The following PLS3 variants were observed in gnomAD, a reference collection of about 807,000 sequenced individuals.
PLS3 encodes the protein plastin-3.
Under a neutral mutation model 46.5 loss-of-function variants are expected in PLS3, and 11 were observed. The observed-to-expected ratio is 0.24, with a 90% CI of 0.15 to 0.39. The LOEUF (loss-of-function observed/expected upper bound fraction) is 0.39. PLS3 is among the 10% of genes least tolerant of loss of function. PLS3 has a pLI of 1.00. For missense variants in PLS3, 308 were observed against 461.8 expected, an observed-to-expected ratio of 0.67 and a Z score of 3.05; for synonymous variants, 167 against 162.2, an observed-to-expected ratio of 1.03 and a Z score of -0.22.
intron 2 of PLS3, among the ~76,000 whole-genome samples, chrX:115,613,023 C>G (rs2074561720): frequency 8.9e-6 from 1 of 111,818 alleles, no homozygotes; most frequent in East Asian, 2.8e-4. Context: ...CATCTAGAAA[C>G]TGTCTTTTAC....
intron 3 of PLS3, among the ~76,000 whole-genome samples, chrX:115,627,628 G>A (rs1397584554): frequency 8.9e-6 from 1 of 112,179 alleles, no homozygotes; most frequent in African/African-American, 3.2e-5. Flanking sequence ...AAGTGTGTGC[G>A]TAAGCTCCAT....
chrX:115,562,822 C>T (rs888138398), intron 1 of PLS3: 3 of 56,224 alleles, frequency 5.3e-5, no homozygotes, highest in Admixed American at 2.6e-4. Flanking sequence ...ATTCCAAAAA[C>T]CACCTCTACG....
At chrX:115,573,093 CAAAAAAAAAA>C (rs1163578692) in intron 1 of PLS3, among the ~76,000 whole-genome samples, 2 of 30,256 alleles carry the variant, frequency 6.6e-5, no homozygotes, top group Admixed American at 6.9e-4. Context: ...GACTCCGTCT[CAAAAAAAAAA>C]AAAAAAAGAA....
At chrX:115,647,230 C>G (rs782350098) in intron 13 of PLS3, among the ~76,000 whole-genome samples, 3 of 110,790 alleles carry the variant, frequency 2.7e-5, no homozygotes, top group African/African-American at 6.6e-5. Flanking sequence ...GTCAGGAGAT[C>G]AAGACCATCC....
At chrX:115,623,298 T>C (rs2074675105) in intron 3 of PLS3, among the ~76,000 whole-genome samples, 1 of 111,270 alleles carries the variant, frequency 9.0e-6, no homozygotes, top group Admixed American at 9.6e-5. Flanking sequence ...CAAGACCAAC[T>C]TGGGCAAGTT....
intron 2 of PLS3, among the ~76,000 whole-genome samples, chrX:115,615,947 A>G: frequency 8.9e-6 from 1 of 111,980 alleles, no homozygotes; most frequent in Non-Finnish European, 1.9e-5. Flanking sequence ...CTCCATACCA[A>G]TGTATAGTTA....
chrX:115,572,658 C>G (rs1323451361), intron 1 of PLS3, among the ~76,000 whole-genome samples: 1 of 111,721 alleles, frequency 9.0e-6, no homozygotes, highest in African/African-American at 3.3e-5. Flanking sequence ...TTTCATTATT[C>G]ATTCAACTAC....
rs782262152 is a variant in PLS3 at position 115,607,798 on chromosome X, T to C, written c.-8-2445T>C. On this transcript the variant is annotated intron_variant, in intron 1 of 15. Coordinates refer to ENST00000355899, the MANE Select transcript of PLS3 (RefSeq NM_005032.7). ...GATTACAGGCGTGAGCCAGTGCGCCTGGCTGATGGTTTTATTTAATTTTTA... is the reference window on the plus strand; with the variant it reads ...GATTACAGGCGTGAGCCAGTGCGCCCGGCTGATGGTTTTATTTAATTTTTA... Among the ~76,000 whole-genome samples the C allele has an allele frequency of 1.3e-3, 143 of 112,042 alleles. 1 individual carries two copies. The highest frequency in any genetic ancestry group is 4.5e-3 in the African/African-American group (139 of 30,888).
intron 1 of PLS3, among the ~76,000 whole-genome samples, chrX:115,579,184 C>CT (rs1195852116): frequency 3.6e-5 from 4 of 111,847 alleles, no homozygotes; most frequent in Non-Finnish European, 7.5e-5. Context: ...TGGGAATTAG[C>CT]TTTTTTTCTC....
At chrX:115,636,331 C>G (rs782424914) in intron 7 of PLS3, among the ~76,000 whole-genome samples, 28 of 108,858 alleles carry the variant, frequency 2.6e-4, no homozygotes, top group African/African-American at 9.0e-4. Context: ...CTCAGCCTCC[C>G]AAGTAGCTGG....
In PLS3 at chrX:115,649,477, C is replaced by T. The variant is rs898304571; in HGVS notation, c.1809C>T (p.Leu603=). ...ARRIGARVYA[L]PEDLVEVKPK... Reference sequence around the variant, plus strand: ...GAATCGGAGCCAGAGTGTATGCTCTCCCTGAAGACCTTGTGGAAGTAAAGC... The same window carrying T: ...GAATCGGAGCCAGAGTGTATGCTCTTCCTGAAGACCTTGTGGAAGTAAAGC... Residue 603 remains leucine (L), a synonymous_variant, in exon 16 of 16, where the codon CTC becomes CTT. Coordinates refer to ENST00000355899, the MANE Select transcript of PLS3 (RefSeq NM_005032.7). 3.3e-6 allele frequency: 4 copies of T among 1,205,418 alleles called. No homozygotes were observed. Among genetic ancestry groups the T allele is most frequent in the African/African-American group, 3.5e-5 (2 of 57,619 alleles).
chrX:115,590,384 G>A (rs1246989464), intron 1 of PLS3, among the ~76,000 whole-genome samples: 7 of 111,115 alleles, frequency 6.3e-5, no homozygotes, highest in African/African-American at 9.8e-5. Flanking sequence ...AGTAAAAACC[G>A]AGATCCTGTT....
At chrX:115,630,028 T>C (rs782278600) in intron 5 of PLS3, 61 bp downstream of exon 5, 10 of 851,297 alleles carry the variant, frequency 1.2e-5, no homozygotes, top group South Asian at 5.6e-5. Context: ...ATAATTGATA[T>C]ATTTGTTTCT....
At chrX:115,626,994 A>G (rs2074717839) in intron 3 of PLS3, among the ~76,000 whole-genome samples, 1 of 109,103 alleles carries the variant, frequency 9.2e-6, no homozygotes, top group Non-Finnish European at 1.9e-5. Context: ...GGTTACAGGC[A>G]TGCACCACCA....
intron 8 of PLS3, among the ~76,000 whole-genome samples, chrX:115,638,145 C>G (rs2074856556): frequency 9.1e-6 from 1 of 110,374 alleles, no homozygotes; most frequent in Non-Finnish European, 1.9e-5. Flanking sequence ...GAGTCTCCCT[C>G]TGTCACTCAG....
intron 2 of PLS3, among the ~76,000 whole-genome samples, chrX:115,620,290 A>G (rs1342487658): frequency 9.0e-6 from 1 of 110,958 alleles, no homozygotes; most frequent in Non-Finnish European, 1.9e-5. Context: ...CACACCAGAC[A>G]CACTGCAGCA....
At chrX:115,632,898 A>AT (rs1203178380) in intron 5 of PLS3, among the ~76,000 whole-genome samples, 13 of 106,940 alleles carry the variant, frequency 1.2e-4, no homozygotes, top group South Asian at 4.1e-4. Context: ...TGCCTAGCTA[A>AT]TTTTTTTTTT....
chrX:115,622,015 C>T (rs1184375472), intron 2 of PLS3: 3 of 322,793 alleles, frequency 9.3e-6, no homozygotes. Flanking sequence ...TAGGGATGCT[C>T]TTTTTAAGTA....
At chrX:115,604,416 G>C (rs989145524) in intron 1 of PLS3, among the ~76,000 whole-genome samples, 2 of 111,912 alleles carry the variant, frequency 1.8e-5, no homozygotes, top group Non-Finnish European at 3.8e-5. Context: ...CATACCATCT[G>C]TAATCTTCAT....
Sources: gnomAD v4.1 joint callset for allele counts (sites outside exome capture counted in the v4.1 genomes callset) on GRCh38, gnomAD v4.1.1 for gene constraint, MANE v1.5 for transcripts, NCBI Gene and HGNC (gene_info 2026-07-23, HGNC 2026-07-21) for gene names.